Variants in BICC1 observed in about 807,000 individuals in gnomAD.
The protein encoded by BICC1 is protein bicaudal C homolog 1.
A neutral mutation model predicts 111.0 loss-of-function variants in BICC1; 43 were observed. That is an observed-to-expected ratio of 0.39 (90% CI 0.30 to 0.50). The LOEUF is 0.50. BICC1 is among the 20% of genes least tolerant of loss of function. BICC1 has a pLI of 0.88. For missense variants in BICC1, 1,091 were observed against 1,203.2 expected (o/e 0.91, Z 1.38); for synonymous variants, 467 against 434.4 (o/e 1.07, Z -0.93).
intron 3 of BICC1, among the ~76,000 whole-genome samples, chr10:58,776,644 G>T (rs2132746198): frequency 6.6e-6 from 1 of 152,210 alleles, no homozygotes; most frequent in South Asian, 2.1e-4. Flanking sequence ...TTGCCATGTG[G>T]GGTGTCTTGG....
At chr10:58,679,936 AC>A (rs1339827804) in intron 2 of BICC1, among the ~76,000 whole-genome samples, 1 of 152,208 alleles carries the variant, frequency 6.6e-6, no homozygotes, top group African/African-American at 2.4e-5. Flanking sequence ...AATGACAAAA[AC>A]CACATGATTA....
intron 2 of BICC1, among the ~76,000 whole-genome samples, chr10:58,666,745 A>T (rs959026728): frequency 6.6e-6 from 1 of 152,100 alleles, no homozygotes; most frequent in Non-Finnish European, 1.5e-5. Context: ...AAAGACAGAA[A>T]ACCAATCTAC....
chr10:58,621,771 G>T (rs1845815219), intron 2 of BICC1, among the ~76,000 whole-genome samples: 1 of 151,882 alleles, frequency 6.6e-6, no homozygotes, highest in Non-Finnish European at 1.5e-5. Context: ...GGTCGCAGAT[G>T]CCTGTAATCC....
At chr10:58,663,336 G>A (rs1365882338) in intron 2 of BICC1, among the ~76,000 whole-genome samples, 1 of 151,984 alleles carries the variant, frequency 6.6e-6, no homozygotes, top group Non-Finnish European at 1.5e-5. Flanking sequence ...CAAAGTGCTG[G>A]GGTTACAGGT....
intron 10 of BICC1, 136 bp downstream of exon 10, chr10:58,796,662 T>A: frequency 1.3e-6 from 1 of 790,358 alleles, no homozygotes; most frequent in Non-Finnish European, 1.9e-6. Context: ...TGAAAAGCCA[T>A]ACAACCTGAA....
chr10:58,531,405 C>T (rs550385216), intron 1 of BICC1, among the ~76,000 whole-genome samples: 5 of 151,928 alleles, frequency 3.3e-5, no homozygotes, highest in African/African-American at 1.2e-4. Flanking sequence ...GTTTGAGAGA[C>T]CGCCAGAATC....
At chr10:58,606,273 A>C (rs937485775) in intron 1 of BICC1, among the ~76,000 whole-genome samples, 2 of 152,146 alleles carry the variant, frequency 1.3e-5, no homozygotes, top group African/African-American at 4.8e-5. Flanking sequence ...TACAACCCCT[A>C]CTAATATATG....
intron 1 of BICC1, among the ~76,000 whole-genome samples, chr10:58,546,864 T>C (rs1225429368): frequency 2.6e-5 from 4 of 152,166 alleles, no homozygotes; most frequent in Non-Finnish European, 5.9e-5. Flanking sequence ...AGAAAAAAGA[T>C]AACATATTGG....
At chr10:58,814,914 A>T (rs74711024) in intron 18 of BICC1, among the ~76,000 whole-genome samples, 35 of 152,332 alleles carry the variant, frequency 2.3e-4, no homozygotes, top group Non-Finnish European at 4.6e-4. Context: ...GTAAATAGAC[A>T]AGATGTTGCT....
Position 58,589,391 on chromosome 10 carries a change from A to C in BICC1, c.191-31464A>C, listed in dbSNP as rs977327110. On this transcript the variant is annotated intron_variant, in intron 1 of 20. Transcript: ENST00000373886. ...AAACTGAGGTGTGGGGAGGTTAAAT[A>C]ATTTTGCTCAAAATTGTACAGCTGG... Among the ~76,000 whole-genome samples the C allele has an allele frequency of 6.6e-5, 10 of 152,092 alleles. No individual in the cohort carries two copies. The East Asian group carries it at 1.9e-3, about 29-fold the overall frequency.
chr10:58,554,579 G>T (rs907847969), intron 1 of BICC1, among the ~76,000 whole-genome samples: 1 of 151,968 alleles, frequency 6.6e-6, no homozygotes, highest in African/African-American at 2.4e-5. Flanking sequence ...AGGAGCAGTG[G>T]TTTTGGAAGA....
chr10:58,705,424 T>C (rs10763582), intron 3 of BICC1, among the ~76,000 whole-genome samples: 151,971 of 152,316 alleles, frequency 1, 75,814 homozygotes, highest in Middle Eastern at 1. Flanking sequence ...AGTCAGTTAA[T>C]GTGGATTAGT....
intron 1 of BICC1, among the ~76,000 whole-genome samples, chr10:58,547,325 A>C (rs1843167003): frequency 6.6e-6 from 1 of 152,052 alleles, no homozygotes; most frequent in Non-Finnish European, 1.5e-5. Flanking sequence ...CAGTTTTGAG[A>C]AGTATTCCAT....
chr10:58,656,440 A>G lies in BICC1; in HGVS notation c.237+35539A>G, dbSNP rs1408971679. Among the ~76,000 whole-genome samples, 6 of 150,324 alleles carry G rather than the reference A, an allele frequency of 4.0e-5. No individual in the cohort carries two copies. In the East Asian group the frequency reaches 1.2e-3, roughly 29 times the overall value. On this transcript the variant is annotated intron_variant, in intron 2 of 20. Coordinates refer to ENST00000373886, the MANE Select transcript of BICC1 (RefSeq NM_001080512.3). ...AATATCCTTGATGAACATTGATGCA[A>G]AATTCCTCAATAAAATACTGGCAAA...
rs1379982291 is a variant in BICC1 at position 58,625,431 on chromosome 10, C to G, written c.237+4530C>G. On this transcript the variant is annotated intron_variant, in intron 2 of 20. Coordinates refer to ENST00000373886, the MANE Select transcript of BICC1 (RefSeq NM_001080512.3). ...CCCAATGGTTGGAGAAGACAAAATACAGTCAGCATTGTAATTGATGAAAGC... is the reference window on the plus strand; with the variant it reads ...CCCAATGGTTGGAGAAGACAAAATAGAGTCAGCATTGTAATTGATGAAAGC... 2.0e-5 allele frequency among the ~76,000 whole-genome samples: 3 copies of G among 152,156 alleles called. No homozygotes were observed. In the East Asian group the frequency reaches 5.8e-4, roughly 29 times the overall value.
At chr10:58,557,848 C>G (rs942475606) in intron 1 of BICC1, among the ~76,000 whole-genome samples, 4 of 151,880 alleles carry the variant, frequency 2.6e-5, no homozygotes, top group Non-Finnish European at 4.4e-5. Context: ...CTTCTCATGG[C>G]CTGTATTTTC....
At chr10:58,697,858 G>A (rs912453137) in intron 2 of BICC1, among the ~76,000 whole-genome samples, 1 of 151,680 alleles carries the variant, frequency 6.6e-6, no homozygotes, top group Non-Finnish European at 1.5e-5. Context: ...TCTAGCTCCA[G>A]TACTGAAGTT....
chr10:58,773,417 A>T (rs1447260106), intron 3 of BICC1, among the ~76,000 whole-genome samples: 2 of 152,246 alleles, frequency 1.3e-5, no homozygotes, highest in African/African-American at 4.8e-5. Flanking sequence ...AACTCTAACA[A>T]CGGGGCTGTT....
chr10:58,739,397 T>C (rs1447174175), intron 3 of BICC1, among the ~76,000 whole-genome samples: 1 of 152,228 alleles, frequency 6.6e-6, no homozygotes, highest in Non-Finnish European at 1.5e-5. Context: ...TTGATTTGTG[T>C]ATGTTGAACC....
Sources: gnomAD v4.1 joint callset for allele counts (sites outside exome capture counted in the v4.1 genomes callset) on GRCh38, gnomAD v4.1.1 for gene constraint, MANE v1.5 for transcripts, NCBI Gene and HGNC (gene_info 2026-07-23, HGNC 2026-07-21) for gene names.